The following IMPG1 variants were observed in gnomAD, a reference collection of about 807,000 sequenced individuals.
The protein encoded by IMPG1 is interphotoreceptor matrix proteoglycan 1.
Under a neutral mutation model 92.0 loss-of-function variants are expected in IMPG1, and 85 were observed. That is an observed-to-expected ratio of 0.92 (90% CI 0.78 to 1.11). The LOEUF is 1.11. Among genes scored for constraint, IMPG1 ranks in the 50% least tolerant of loss-of-function variants. IMPG1 has a pLI of 0.00. For synonymous variants in IMPG1, 367 were observed against 334.1 expected (o/e 1.10, Z -1.08); for missense variants, 1,022 against 956.0 (o/e 1.07, Z -0.91).
chr6:75,971,130 A>G (rs1782407010), intron 12 of IMPG1, among the ~76,000 whole-genome samples: 1 of 152,136 alleles, frequency 6.6e-6, no homozygotes, highest in African/African-American at 2.4e-5. Flanking sequence ...ATGGAATACT[A>G]TGCAGCCATA....
Position 75,960,189 on chromosome 6 carries a change from G to A in IMPG1, c.1292-9095C>T, listed in dbSNP as rs145829981. On this transcript the variant is annotated intron_variant, in intron 12 of 16. Transcript: ENST00000369950. ...CCCACCCTGCTTCAGCTCACCCTCC[G>A]TGGGCTGCACCCACTGTCTAACCAG... Among the ~76,000 whole-genome samples, 880 of 152,156 alleles carry A rather than the reference G, an allele frequency of 5.8e-3. 11 individuals carry two copies. Among genetic ancestry groups the A allele is most frequent in the African/African-American group, 0.02 (830 of 41,518 alleles).
At chr6:75,934,884 A>AT in intron 14 of IMPG1, 1 of 461,742 alleles carries the variant, frequency 2.2e-6, no homozygotes, top group Non-Finnish European at 4.6e-6. Flanking sequence ...AACATTTATC[A>AT]TATCATCTCC....
chr6:75,971,276 C>T (rs56398907), intron 12 of IMPG1, among the ~76,000 whole-genome samples: 25,608 of 142,586 alleles, frequency 0.18, 2,634 homozygotes, highest in Admixed American at 0.3. Context: ...AATGAGAATA[C>T]ATGGACACAG....
intron 12 of IMPG1, among the ~76,000 whole-genome samples, chr6:75,960,964 G>T (rs1782204616): frequency 6.6e-6 from 1 of 152,134 alleles, no homozygotes; most frequent in African/African-American, 2.4e-5. Flanking sequence ...TAGCTATTGT[G>T]GTCACTTTCC....
At chr6:76,067,735 A>T (rs1784335330) in intron 1 of IMPG1, among the ~76,000 whole-genome samples, 1 of 152,156 alleles carries the variant, frequency 6.6e-6, no homozygotes, top group Non-Finnish European at 1.5e-5. Flanking sequence ...GACGCAACAA[A>T]AAAAGAAAAC....
At chr6:76,013,008 T>C (rs1343103079) in intron 7 of IMPG1, among the ~76,000 whole-genome samples, 1 of 152,102 alleles carries the variant, frequency 6.6e-6, no homozygotes, top group Non-Finnish European at 1.5e-5. Flanking sequence ...TTTCACCATG[T>C]TCTCATTCAC....
chr6:76,004,963 G>C (rs1217273853), intron 10 of IMPG1, among the ~76,000 whole-genome samples: 2 of 152,152 alleles, frequency 1.3e-5, no homozygotes, highest in Middle Eastern at 6.3e-3. Flanking sequence ...GACTACATGA[G>C]AGAATATGTT....
intron 13 of IMPG1, 74 bp from the exon 14 acceptor site, chr6:75,947,607 C>CT: frequency 1.0e-6 from 1 of 1,002,176 alleles, no homozygotes; most frequent in Non-Finnish European, 1.5e-6. Flanking sequence ...CTTACACTCA[C>CT]TTTTCATTAA....
chr6:75,934,794 C>A (rs926929214), intron 14 of IMPG1: 13 of 326,218 alleles, frequency 4.0e-5, no homozygotes, highest in South Asian at 2.3e-4. Context: ...CGCTACACCC[C>A]CCTTCCCGTC....
At chr6:75,951,592 T>A (rs370556043) in intron 12 of IMPG1, among the ~76,000 whole-genome samples, 2 of 147,620 alleles carry the variant, frequency 1.4e-5, no homozygotes, top group Non-Finnish European at 3.0e-5. Context: ...TGCAATTGGA[T>A]TTTTTTGGTT....
chr6:75,992,949 TTAGTC>T (rs1438150075), intron 12 of IMPG1, among the ~76,000 whole-genome samples: 59 of 152,332 alleles, frequency 3.9e-4, no homozygotes, highest in African/African-American at 1.3e-3. Flanking sequence ...GTACCTCTGT[TTAGTC>T]TATGTAAAGT....
chr6:75,980,322 C>T (rs1575850), intron 12 of IMPG1, among the ~76,000 whole-genome samples: 70,845 of 152,062 alleles, frequency 0.47, 16,914 homozygotes, highest in East Asian at 0.71. Flanking sequence ...AGGAAAATGG[C>T]GTGTGCAAAC....
rs1314006739 is a variant in IMPG1, at chr6:76,042,076, G to A, written c.118C>T (p.Pro40Ser). Residue 40 changes from proline (P) to serine (S), a missense_variant, in exon 2 of 17, where the codon CCA (proline) becomes TCA (serine). Physicochemically the swap from Pro to Ser is moderately conservative, Grantham distance 74. This residue lies in a region of IMPG1 where 681 missense variants were observed against 583.6 expected (regional missense o/e 1.17). Transcript: ENST00000369950. ...HSETKDIDNP[P>S]RNETTESTEK... ...GTACTTTCAGTTGTTTCATTTCTTG[G>A]GGGATTGTCTATGTCTTTAGTTTCA... 1 of 1,608,772 alleles carries A rather than the reference G, an allele frequency of 6.2e-7. No homozygotes were observed.
At chr6:76,007,273 G>A (rs1026510491) in intron 9 of IMPG1, among the ~76,000 whole-genome samples, 1 of 151,732 alleles carries the variant, frequency 6.6e-6, no homozygotes, top group African/African-American at 2.4e-5. Flanking sequence ...ATATTTACCT[G>A]TATCCCACAT....
intron 1 of IMPG1, among the ~76,000 whole-genome samples, chr6:76,064,378 T>C (rs1461042716): frequency 2.0e-5 from 3 of 151,540 alleles, no homozygotes; most frequent in South Asian, 2.1e-4. Flanking sequence ...TTCTTTTTTT[T>C]TTTTTTTTAA....
chr6:76,019,398 T>C (rs1210756136), intron 6 of IMPG1, among the ~76,000 whole-genome samples: 1 of 152,206 alleles, frequency 6.6e-6, no homozygotes, highest in Non-Finnish European at 1.5e-5. Context: ...TAAAATTATC[T>C]CTGCGGAAAA....
intron 2 of IMPG1, among the ~76,000 whole-genome samples, chr6:76,038,951 C>T (rs1259562852): frequency 6.6e-6 from 1 of 152,204 alleles, no homozygotes; most frequent in Non-Finnish European, 1.5e-5. Flanking sequence ...TGAAAATGCA[C>T]AGTACAGGGT....
At chr6:75,965,649 T>C (rs1323357992) in intron 12 of IMPG1, among the ~76,000 whole-genome samples, 11 of 139,266 alleles carry the variant, frequency 7.9e-5, no homozygotes, top group South Asian at 4.8e-4. Context: ...GCTCTGTCGC[T>C]CAGGCTGGAG....
In IMPG1 at chr6:75,931,033, G is replaced by T. The variant is rs1313583645; in HGVS notation, c.2163C>A (p.Ser721Arg). Residue 721 changes from serine to arginine, a missense_variant, in exon 15 of 17, where the codon AGC (serine) becomes AGA (arginine). Around this residue, in one of 3 missense-constraint regions of IMPG1, gnomAD observed 332 missense variants for 346.2 expected, o/e 0.96. Transcript: ENST00000369950. ...RCKPGYDSQG[S>R]LDGLEPGLCG... ...AGAGGCCTGGTTCCAGACCGTCCAG[G>T]CTCCCCTGGCTGTCATATCCTGGTT... The T allele has an allele frequency of 2.5e-6, 4 of 1,614,136 alleles. No individual in the cohort carries two copies. The highest frequency in any genetic ancestry group is 4.5e-5 in the East Asian group (2 of 44,880).
Sources: allele counts gnomAD v4.1 joint callset (sites outside exome capture counted in the v4.1 genomes callset), GRCh38; gene constraint gnomAD v4.1.1; regional missense constraint gnomAD v4.1.1; transcripts MANE v1.5; gene names NCBI Gene and HGNC (gene_info 2026-07-23, HGNC 2026-07-21).